OARD1: variants seen among roughly 807,000 people sequenced by gnomAD.
OARD1 encodes O-acyl-ADP-ribose deacylase 1.
A neutral mutation model predicts 19.7 loss-of-function variants in OARD1; 19 were observed. That is an observed-to-expected ratio of 0.96 (90% CI 0.67 to 1.41). The LOEUF is 1.41. Among genes scored for constraint, OARD1 ranks in the 40% most tolerant of loss-of-function variants. The pLI is 0.00. For missense variants in OARD1, 190 were observed against 183.8 expected, an observed-to-expected ratio of 1.03 and a Z score of -0.20; for synonymous variants, 70 against 61.8, an observed-to-expected ratio of 1.13 and a Z score of -0.62.
Position 41,067,246 on chromosome 6 carries a change from TCTGC to T in OARD1, c.*85_*88del. On this transcript the variant is annotated 3_prime_UTR_variant, in exon 6 of 6. Coordinates refer to ENST00000424266, the MANE Select transcript of OARD1 (RefSeq NM_001329686.2). ...CACACTACTTCTCATGAAACTTTCC[TCTGC>T]CTATTTTAAGGTAGGTTTGCCCGGT... is the stretch of plus-strand genomic sequence containing the variant. 1.4e-6 allele frequency: 1 copy of T among 717,582 alleles called. No homozygotes were observed. Among genetic ancestry groups the T allele is most frequent in the South Asian group, 1.8e-5 (1 of 54,376 alleles). The allele number at this position is 717,582 out of a possible 1,614,324, so 44.5% of individuals were successfully genotyped here. A position where few individuals can be genotyped will look rare whatever the true frequency, so the allele number is the denominator to read the frequency against.
chr6:41,069,902 T>C (rs1582002260), intron 4 of OARD1, 174 bp downstream of exon 4: 1 of 671,686 alleles, frequency 1.5e-6, no homozygotes, highest in African/African-American at 1.8e-5. Context: ...GTGCTCCAAG[T>C]AGCCGCCATC....
chr6:41,065,377 C>T lies in OARD1; in HGVS notation c.*1958G>A, dbSNP rs1762964503. On this transcript the variant is annotated 3_prime_UTR_variant, in exon 6 of 6. Coordinates refer to ENST00000424266, the MANE Select transcript of OARD1 (RefSeq NM_001329686.2). ...AAAAGCCATACACATTCAGTACACC[C>T]TTCAACTGAACTCAACTTAAGATGG... is the stretch of plus-strand genomic sequence containing the variant. 1 of 152,198 alleles carries T rather than the reference C, an allele frequency of 6.6e-6. No homozygotes were observed. Among genetic ancestry groups the T allele is most frequent in the Non-Finnish European group, 1.5e-5 (1 of 68,030 alleles). 9.4% of individuals were successfully genotyped at this position (152,198 alleles called of 1,614,324 possible).
chr6:41,066,490 A>T lies in OARD1; in HGVS notation c.*845T>A, dbSNP rs1763013893. On this transcript the variant is annotated 3_prime_UTR_variant, in exon 6 of 6. Coordinates refer to ENST00000424266, the MANE Select transcript of OARD1 (RefSeq NM_001329686.2). ...AAGGATTTTTGACAATCACTGATTT[A>T]TTGGGTCACTAGTCTGTGCTAAGTA... 6.6e-6 allele frequency: 1 copy of T among 152,106 alleles called. No homozygotes were observed. Among genetic ancestry groups the T allele is most frequent in the Non-Finnish European group, 1.5e-5 (1 of 68,014 alleles). The allele number at this position is 152,106 out of a possible 1,614,324, so 9.4% of individuals were successfully genotyped here.
chr6:41,085,238 A>T (rs1764013254), intron 1 of OARD1, among the ~76,000 whole-genome samples: 1 of 152,234 alleles, frequency 6.6e-6, no homozygotes, highest in South Asian at 2.1e-4. Context: ...TAGGAAGAAA[A>T]GCATCAATAG....
chr6:41,093,913 G>A (rs1341932311), intron 1 of OARD1, among the ~76,000 whole-genome samples: 1 of 152,192 alleles, frequency 6.6e-6, no homozygotes, highest in African/African-American at 2.4e-5. Context: ...AGTCCTACTT[G>A]GAAGGCAGAG....
Position 41,071,268 on chromosome 6 carries a change from A to G in OARD1, c.48T>C (p.Tyr16=), listed in dbSNP as rs1763365273. 2.5e-6 allele frequency: 4 copies of G among 1,613,554 alleles called. No homozygotes were observed. The highest frequency in any genetic ancestry group is 2.5e-6 in the Non-Finnish European group (3 of 1,179,698). The part of the protein sequence containing the change: ...NEDPEGSRIT[Y]VKGDLFACPK... Reference sequence around the variant, plus strand: ...GGCATGCAAAAAGGTCTCCTTTCACATAAGTGATCTAAAAAATGTGCAAAG... The same window carrying G: ...GGCATGCAAAAAGGTCTCCTTTCACGTAAGTGATCTAAAAAATGTGCAAAG... Residue 16 remains tyrosine, a synonymous_variant, in exon 3 of 6, where the codon TAT becomes TAC. Transcript: ENST00000424266.
chr6:41,089,647 G>C (rs1445613093), intron 1 of OARD1: 1 of 1,612,722 alleles, frequency 6.2e-7, no homozygotes, highest in South Asian at 1.1e-5. Flanking sequence ...AGGGCCAGCA[G>C]GGCCAGACCC....
intron 1 of OARD1, among the ~76,000 whole-genome samples, chr6:41,092,004 AAGT>A (rs1204520154): frequency 1.3e-5 from 2 of 152,222 alleles, no homozygotes; most frequent in Non-Finnish European, 2.9e-5. Context: ...GAGAAGTGGA[AAGT>A]AGTATTGCCC....
In OARD1 at chr6:41,070,126, ATTTCT is replaced by A. The variant is rs752070542; in HGVS notation, c.188_192del (p.Lys63IlefsTer30). ...CTCTTCAGAACAGCCACTTCTCCAG[ATTTCT>A]TTTCTAAGAAAAAGTTATTTAATAG... On this transcript the variant is annotated frameshift_variant, in exon 4 of 6. Coordinates refer to ENST00000424266, the MANE Select transcript of OARD1 (RefSeq NM_001329686.2). LOFTEE classifies it high-confidence loss of function. The A allele has an allele frequency of 6.4e-7, 1 of 1,563,246 alleles. No individual in the cohort carries two copies. The highest frequency in any genetic ancestry group is 2.2e-5 in the East Asian group (1 of 44,640).
chr6:41,073,068 C>G (rs1460834345), upstream of OARD1: 1 of 153,938 alleles, frequency 6.5e-6, no homozygotes, highest in South Asian at 1.8e-4. Flanking sequence ...GGCAGCGAAC[C>G]GGGGGAGCGA....
At chr6:41,091,834 C>A in intron 1 of OARD1, 1 of 915,778 alleles carries the variant, frequency 1.1e-6, no homozygotes, top group Non-Finnish European at 1.6e-6. Flanking sequence ...TTGACAATAA[C>A]ATTATGACAA....
rs144463178 is a variant in OARD1 at position 41,088,610 on chromosome 6, T to C, written c.-42+9103A>G. 3.8e-3 allele frequency among the ~76,000 whole-genome samples: 580 copies of C among 152,076 alleles called. 11 individuals are homozygous for C. In the South Asian group the frequency reaches 0.06, roughly 16 times the overall value. On this transcript the variant is annotated intron_variant, in intron 1 of 4. Coordinates refer to the OARD1 transcript ENST00000480585. ...TCTTTGTTTGTTTTTTTGAGACAGT[T>C]ACTCGCTCTGTTGCCTAGGCTGGAA...
At chr6:41,068,489 A>C (rs1458595088) in intron 5 of OARD1, among the ~76,000 whole-genome samples, 7 of 152,254 alleles carry the variant, frequency 4.6e-5, no homozygotes, top group African/African-American at 1.7e-4. Flanking sequence ...ACCATTGCTC[A>C]GTCTTGATTC....
At chr6:41,087,716 T>TAA (rs34732690) in intron 1 of OARD1, among the ~76,000 whole-genome samples, 3 of 149,122 alleles carry the variant, frequency 2.0e-5, no homozygotes, top group Admixed American at 6.7e-5. Context: ...CTTTTGCACT[T>TAA]AAAAAAAAAA....
At position 41,068,877 on chromosome 6, in the gene OARD1, C is replaced by T. The variant is rs115110576; in HGVS notation, c.320G>A (p.Cys107Tyr). 3.1e-6 allele frequency: 5 copies of T among 1,608,666 alleles called. No individual in the cohort carries two copies. Among genetic ancestry groups the T allele is most frequent in the Non-Finnish European group, 3.4e-6 (4 of 1,176,696 alleles). The change falls in exon 5 of 6, where the codon TGT (cysteine) becomes TAT (tyrosine). Residue 107 changes from cysteine (C) to tyrosine (Y), a missense_variant. Coordinates refer to ENST00000424266, the MANE Select transcript of OARD1 (RefSeq NM_001329686.2). Reference protein sequence around the residue: ...QKSLEAMKSHCLKNGVTDLSM... With the variant: ...QKSLEAMKSHYLKNGVTDLSM... ...GAGGTCAGTGACTCCATTCTTCAGA[C>T]AATGAGACTTCATTGCCTCTAAACT...
intron 1 of OARD1, among the ~76,000 whole-genome samples, chr6:41,078,028 T>C (rs1763789296): frequency 6.6e-6 from 1 of 152,174 alleles, no homozygotes; most frequent in Non-Finnish European, 1.5e-5. Context: ...GAAATAAGAA[T>C]TTTCAAGTGT....
chr6:41,083,488 C>T (rs1763963616), intron 1 of OARD1, among the ~76,000 whole-genome samples: 2 of 151,536 alleles, frequency 1.3e-5, no homozygotes, highest in South Asian at 4.2e-4. Flanking sequence ...TAAAGGTATA[C>T]ATTTGACATT....
At chr6:41,088,200 C>T (rs1172754876) in intron 1 of OARD1, among the ~76,000 whole-genome samples, 2 of 151,888 alleles carry the variant, frequency 1.3e-5, no homozygotes, top group Non-Finnish European at 2.9e-5. Flanking sequence ...GGGTGGATCA[C>T]AAGGTCAGGA....
chr6:41,070,990 T>C, intron 3 of OARD1, 142 bp downstream of exon 3: 1 of 830,534 alleles, frequency 1.2e-6, no homozygotes, highest in Non-Finnish European at 2.0e-6. Context: ...ACGTCTAAAC[T>C]AGAGGCCATT....
Sources: gnomAD v4.1 joint callset for allele counts (sites outside exome capture counted in the v4.1 genomes callset) on GRCh38, gnomAD v4.1.1 for gene constraint, MANE v1.5 for transcripts, NCBI Gene and HGNC (gene_info 2026-07-23, HGNC 2026-07-21) for gene names.